AGAP1: variants seen among roughly 807,000 people sequenced by gnomAD.
AGAP1 encodes ArfGAP with GTPase domain, ankyrin repeat and PH domain 1.
In AGAP1, 29 loss-of-function variants were observed where a neutral mutation model predicts 105.3. The ratio of observed to expected loss-of-function variants is 0.28; its 90% CI spans 0.21 to 0.38. The LOEUF is 0.38. AGAP1 is among the 10% of genes least tolerant of loss of function. The pLI is 1.00. For missense variants in AGAP1, 998 were observed against 1,165.1 expected, an observed-to-expected ratio of 0.86 and a Z score of 2.09; for synonymous variants, 509 against 485.9, an observed-to-expected ratio of 1.05 and a Z score of -0.63.
intron 1 of AGAP1, among the ~76,000 whole-genome samples, chr2:235,541,068 A>G (rs974860487): frequency 6.6e-6 from 1 of 152,208 alleles, no homozygotes; most frequent in African/African-American, 2.4e-5. Context: ...TGATTTTGGA[A>G]TATTCCAGAA....
rs1435682833 is a variant in AGAP1, at chr2:235,612,576, T to C, written c.164-96603T>C. 1.3e-5 allele frequency among the ~76,000 whole-genome samples: 2 copies of C among 152,200 alleles called. No homozygotes were observed. Among genetic ancestry groups the C allele is most frequent in the African/African-American group, 4.8e-5 (2 of 41,446 alleles). On this transcript the variant is annotated intron_variant, in intron 1 of 17. Coordinates refer to ENST00000304032, the MANE Select transcript of AGAP1 (RefSeq NM_001037131.3). This position sits in a 1 kb window ranked among gnomAD's most constrained non-coding sequence, Gnocchi z 4.3. ...GCTAAGGGAAAAGAACGTGACTGTG[T>C]GGGGGTCTCCCTGACTCCTTAGAAC...
rs1041297249 is a variant in AGAP1, at chr2:236,005,431, A to G, written c.1646-31130A>G. Among the ~76,000 whole-genome samples the G allele has an allele frequency of 3.3e-5, 5 of 152,082 alleles. No homozygotes were observed. The highest frequency in any genetic ancestry group is 9.7e-5 in the African/African-American group (4 of 41,402). On this transcript the variant is annotated intron_variant, in intron 13 of 17. Transcript: ENST00000304032. This position sits in a 1 kb window ranked among gnomAD's most constrained non-coding sequence, Gnocchi z 4.1. ...GCTGGGATTACAGGTGTGAGCCACC[A>G]TGCCCACCCTCTCCCCTGTTAATTT...
chr2:235,852,724 T>G, intron 9 of AGAP1: 1 of 1,535,840 alleles, frequency 6.5e-7, no homozygotes, highest in Non-Finnish European at 8.8e-7. Flanking sequence ...CAGCCAGCAC[T>G]TATCTCAGGC....
rs923247293 is a variant in AGAP1 at position 236,051,358 on chromosome 2, G to A, written c.2114+2077G>A. Among the ~76,000 whole-genome samples the A allele has an allele frequency of 1.2e-4, 18 of 152,220 alleles. No individual in the cohort carries two copies. Among genetic ancestry groups the A allele is most frequent in the African/African-American group, 4.3e-4 (18 of 41,458 alleles). ...CGGTGAGTGATGATTGCAGTTCCCT[G>A]GTGATTGGTGAAGGCTCTCAGGGCT... On this transcript the variant is annotated intron_variant, in intron 16 of 17. Coordinates refer to ENST00000304032, the MANE Select transcript of AGAP1 (RefSeq NM_001037131.3). The surrounding 1 kb of genome is among the most constrained non-coding windows in gnomAD (Gnocchi z 5.9).
intron 10 of AGAP1, among the ~76,000 whole-genome samples, chr2:235,898,416 TG>T (rs1322781973): frequency 2.9e-5 from 4 of 140,144 alleles, no homozygotes; most frequent in Non-Finnish European, 4.7e-5. Flanking sequence ...AAAAAAAAGG[TG>T]GGGGAAGAGA....
chr2:235,563,335 C>T (rs116187038), intron 1 of AGAP1, among the ~76,000 whole-genome samples: 605 of 152,278 alleles, frequency 4.0e-3, no homozygotes, highest in African/African-American at 7.6e-3. Context: ...GCCTCTGTGC[C>T]CTCCTGTCCT....
At position 235,574,428 on chromosome 2, in the gene AGAP1, G is replaced by A. The variant is rs1189829297; in HGVS notation, c.163+79579G>A. ...ATAACGAAATGTAATTAGTGAAGGTGCATTATCTGATAAAGTAAATCTCAG... is the reference window on the plus strand; with the variant it reads ...ATAACGAAATGTAATTAGTGAAGGTACATTATCTGATAAAGTAAATCTCAG... On this transcript the variant is annotated intron_variant, in intron 1 of 17. Transcript: ENST00000304032. This position sits in a 1 kb window ranked among gnomAD's most constrained non-coding sequence, Gnocchi z 5.0. 6.6e-6 allele frequency among the ~76,000 whole-genome samples: 1 copy of A among 152,230 alleles called. No homozygotes were observed. The highest frequency in any genetic ancestry group is 1.5e-5 in the Non-Finnish European group (1 of 68,048).
intron 15 of AGAP1, among the ~76,000 whole-genome samples, chr2:236,047,164 A>G (rs1435534973): frequency 6.6e-6 from 1 of 152,194 alleles, no homozygotes; most frequent in Non-Finnish European, 1.5e-5. Flanking sequence ...GCCAGCCCAC[A>G]AGAGGCCGAG....
In AGAP1 at chr2:236,123,147, C is replaced by T. The variant is rs1367858618; in HGVS notation, c.2371-772C>T. Among the ~76,000 whole-genome samples the T allele has an allele frequency of 6.6e-6, 1 of 152,166 alleles. No homozygotes were observed. The highest frequency in any genetic ancestry group is 1.5e-5 in the Non-Finnish European group (1 of 68,032). ...GGAGTGCAGTGGTGTGATGTCGGCCCACGGCAGCCTCTGCCTCCTAGGCTC... is the reference window on the plus strand; with the variant it reads ...GGAGTGCAGTGGTGTGATGTCGGCCTACGGCAGCCTCTGCCTCCTAGGCTC... On this transcript the variant is annotated intron_variant, in intron 17 of 17. Transcript: ENST00000304032. This position sits in a 1 kb window ranked among gnomAD's most constrained non-coding sequence, Gnocchi z 4.6.
Position 235,706,855 on chromosome 2 carries a change from C to T in AGAP1, c.164-2324C>T, listed in dbSNP as rs115662872. 5.1e-3 allele frequency among the ~76,000 whole-genome samples: 776 copies of T among 152,300 alleles called. 5 individuals are homozygous for T. Among genetic ancestry groups the T allele is most frequent in the African/African-American group, 0.017 (706 of 41,572 alleles). ...GACCATTAGGGTCACTTTGCAGATC[C>T]TCTAAGGCCACATTCCCATTTTTCT... On this transcript the variant is annotated intron_variant, in intron 1 of 17. Transcript: ENST00000304032.
intron 8 of AGAP1, among the ~76,000 whole-genome samples, chr2:235,804,451 T>C (rs893743008): frequency 1.3e-5 from 2 of 152,236 alleles, no homozygotes; most frequent in African/African-American, 4.8e-5. Flanking sequence ...ACTGTTTCAA[T>C]GGCATTTATT....
intron 1 of AGAP1, among the ~76,000 whole-genome samples, chr2:235,573,011 T>C (rs1205378297): frequency 5.1e-5 from 1 of 19,438 alleles, no homozygotes; most frequent in Admixed American, 6.2e-4. Flanking sequence ...TTCTTCTTCT[T>C]CTTCTTCTTC....
rs76768023 is a variant in AGAP1, at chr2:235,842,442, G to C, written c.1050+35111G>C. Among the ~76,000 whole-genome samples the C allele has an allele frequency of 1.3e-5, 2 of 152,140 alleles. No individual in the cohort carries two copies. The highest frequency in any genetic ancestry group is 2.9e-5 in the Non-Finnish European group (2 of 68,030). On this transcript the variant is annotated intron_variant, in intron 9 of 17. Transcript: ENST00000304032. The surrounding 1 kb of genome is among the most constrained non-coding windows in gnomAD (Gnocchi z 5.3). ...GAATAGGTTGTTTTCTCTGGTCACCGTTTGGCAATGGAAGGTACTAGGTCT... is the reference window on the plus strand; with the variant it reads ...GAATAGGTTGTTTTCTCTGGTCACCCTTTGGCAATGGAAGGTACTAGGTCT...
intron 11 of AGAP1, among the ~76,000 whole-genome samples, chr2:235,915,117 G>T (rs905177598): frequency 2.6e-5 from 4 of 152,096 alleles, no homozygotes; most frequent in African/African-American, 9.7e-5. Flanking sequence ...CCATACACCT[G>T]CTCAGAGCCC....
At chr2:235,530,856 T>A (rs1943020343) in intron 1 of AGAP1, among the ~76,000 whole-genome samples, 1 of 152,136 alleles carries the variant, frequency 6.6e-6, no homozygotes, top group African/African-American at 2.4e-5. Flanking sequence ...GAGGGTGGTG[T>A]CTGCCCACCT....
chr2:236,123,781 C>A lies in AGAP1; in HGVS notation c.2371-138C>A. ...GGCTGTGCCACCAGCACTGGATGGT[C>A]CTGGCACCCCAGCCAGTTGTGTAGC... On this transcript the variant is annotated intron_variant, in intron 17 of 17. Coordinates refer to ENST00000304032, the MANE Select transcript of AGAP1 (RefSeq NM_001037131.3). The surrounding 1 kb of genome is among the most constrained non-coding windows in gnomAD (Gnocchi z 4.6). 9.4e-7 allele frequency: 1 copy of A among 1,059,126 alleles called. No homozygotes were observed. The highest frequency in any genetic ancestry group is 1.4e-6 in the Non-Finnish European group (1 of 719,594). The allele number at this position is 1,059,126 out of a possible 1,614,324, so 65.6% of individuals were successfully genotyped here.
At chr2:235,974,622 G>C (rs763599127) in intron 13 of AGAP1, among the ~76,000 whole-genome samples, 1 of 152,190 alleles carries the variant, frequency 6.6e-6, no homozygotes, top group Non-Finnish European at 1.5e-5. Flanking sequence ...CTCCTGTAGA[G>C]GGTAAGTCAC....
In AGAP1 at chr2:235,582,746, G is replaced by T. The variant is rs1270312432; in HGVS notation, c.163+87897G>T. Among the ~76,000 whole-genome samples, 2 of 152,230 alleles carry T rather than the reference G, an allele frequency of 1.3e-5. No individual in the cohort carries two copies. The highest frequency in any genetic ancestry group is 4.8e-5 in the African/African-American group (2 of 41,464). On this transcript the variant is annotated intron_variant, in intron 1 of 17. Coordinates refer to ENST00000304032, the MANE Select transcript of AGAP1 (RefSeq NM_001037131.3). The surrounding 1 kb of genome is among the most constrained non-coding windows in gnomAD (Gnocchi z 4.7). ...AGAGGGGGCTCGTGGTCCTTCTTGG[G>T]CTCTCATTGCTGTTAGCAGGAGTTG...
rs899438377 is a variant in AGAP1 at position 235,979,971 on chromosome 2, A to G, written c.1645+11348A>G. 6.6e-6 allele frequency among the ~76,000 whole-genome samples: 1 copy of G among 152,182 alleles called. No homozygotes were observed. The highest frequency in any genetic ancestry group is 2.4e-5 in the African/African-American group (1 of 41,440). ...CCTCTGCATGCAGTAAAATACAAAA[A>G]AAAGAGAGATAGAGAAAGCAGGGGA... On this transcript the variant is annotated intron_variant, in intron 13 of 17. Transcript: ENST00000304032. This position sits in a 1 kb window ranked among gnomAD's most constrained non-coding sequence, Gnocchi z 4.5.
Sources: gnomAD v4.1 joint callset for allele counts (sites outside exome capture counted in the v4.1 genomes callset) on GRCh38, gnomAD v4.1.1 for gene constraint, Gnocchi (gnomAD v3.1) non-coding constraint, MANE v1.5 for transcripts, NCBI Gene and HGNC (gene_info 2026-07-23, HGNC 2026-07-21) for gene names.